The following EXOSC4 variants were observed in gnomAD, a reference collection of about 807,000 sequenced individuals.
EXOSC4 encodes the protein exosome component 4.
Under a neutral mutation model 20.0 loss-of-function variants are expected in EXOSC4, and 14 were observed. The ratio of observed to expected loss-of-function variants is 0.70; its 90% CI spans 0.46 to 1.09. EXOSC4 has a LOEUF of 1.09. EXOSC4 is among the 50% of genes least tolerant of loss of function. The pLI is 0.00. For synonymous variants in EXOSC4, 148 were observed against 146.4 expected (o/e 1.01, Z -0.08); for missense variants, 337 against 334.0 (o/e 1.01, Z -0.07).
upstream of EXOSC4, chr8:144,078,661 C>T (rs1393933174): frequency 2.2e-6 from 3 of 1,341,024 alleles, no homozygotes; most frequent in African/African-American, 1.5e-5. This position sits in a 1 kb window ranked among gnomAD's most constrained non-coding sequence, Gnocchi z 4.7. Flanking sequence ...CGGTCGGAGC[C>T]GCCGGGAGCT....
chr8:144,069,729 C>T, the EXOSC4 span, among the ~76,000 whole-genome samples: 1 of 152,228 alleles, frequency 6.6e-6, no homozygotes, highest in African/African-American at 2.4e-5. Context: ...TTGCTGAATG[C>T]GGAGCAGATT....
At chr8:144,071,568 T>C in the EXOSC4 span, among the ~76,000 whole-genome samples, 1 of 149,518 alleles carries the variant, frequency 6.7e-6, no homozygotes, top group Non-Finnish European at 1.5e-5. Flanking sequence ...AGTGCTGGGA[T>C]TACAGGCATG....
upstream of EXOSC4, among the ~76,000 whole-genome samples, chr8:144,073,818 T>C (rs1835812211): frequency 6.6e-6 from 1 of 151,378 alleles, no homozygotes; most frequent in Admixed American, 6.6e-5. Context: ...GCCATTGCAC[T>C]CTAGCCTGGG....
In EXOSC4 at chr8:144,080,047, G is replaced by C; in HGVS notation, c.276G>C (p.Gly92=). The change falls in exon 2 of 3, where the codon GGG becomes GGC. Residue 92 remains glycine, a synonymous_variant. Transcript: ENST00000316052. The surrounding 1 kb of genome is among the most constrained non-coding windows in gnomAD (Gnocchi z 4.9). ...STGERKRRPH[G]DRKSCEMGLQ... is the part of the protein sequence containing the mutation. ...GTGAGCGCAAGCGACGGCCACATGG[G>C]GACCGTAAGTCCTGTGAGATGGGCC... 6.2e-7 allele frequency: 1 copy of C among 1,614,088 alleles called. No individual in the cohort carries two copies.
upstream of EXOSC4, among the ~76,000 whole-genome samples, chr8:144,077,670 T>C (rs1835848666): frequency 6.6e-6 from 1 of 152,172 alleles, no homozygotes; most frequent in South Asian, 2.1e-4. Flanking sequence ...ACCCACAGAG[T>C]GTGGCAGGAG....
chr8:144,078,753 G>C lies in EXOSC4; in HGVS notation c.25G>C (p.Asp9His), dbSNP rs1587586268. MAGLELLS[D>H]QGYRVDGRRA... The stretch of plus-strand genomic sequence containing the variant: ...CATGGCGGGGCTGGAGCTCTTGTCG[G>C]ACCAGGGCTACCGGGTGGACGGGCG... Residue 9 changes from aspartate to histidine, a missense_variant, in exon 1 of 3, where the codon GAC becomes CAC. By Grantham distance (81) the Asp-to-His change is moderately conservative. Transcript: ENST00000316052. This position sits in a 1 kb window ranked among gnomAD's most constrained non-coding sequence, Gnocchi z 4.7. The C allele has an allele frequency of 6.7e-7, 1 of 1,503,564 alleles. No homozygotes were observed. 93.1% of individuals were successfully genotyped at this position (1,503,564 alleles called of 1,614,324 possible). A position where few individuals can be genotyped will look rare whatever the true frequency, so the allele number is the denominator to read the frequency against.
chr8:144,078,818 C>T lies in EXOSC4; in HGVS notation c.90C>T (p.Gly30=). Residue 30 remains glycine (G), a synonymous_variant, in exon 1 of 3, where the codon GGC becomes GGT. Transcript: ENST00000316052. The surrounding 1 kb of genome is among the most constrained non-coding windows in gnomAD (Gnocchi z 4.7). ...GELRKIQARM[G]VFAQADGSAY... is the part of the protein sequence containing the mutation. ...TGCGCAAGATCCAGGCGCGGATGGG[C>T]GTGTTCGCGCAGGCTGACGGCTCGG... 3 of 1,580,216 alleles carry T rather than the reference C, an allele frequency of 1.9e-6. No homozygotes were observed. Among genetic ancestry groups the T allele is most frequent in the Non-Finnish European group, 2.6e-6 (3 of 1,165,798 alleles).
At chr8:144,065,471 G>C in the EXOSC4 span, among the ~76,000 whole-genome samples, 1 of 152,034 alleles carries the variant, frequency 6.6e-6, no homozygotes, top group East Asian at 1.9e-4. Context: ...GCTCACACCT[G>C]TAATCCCAGC....
At chr8:144,066,290 A>G in the EXOSC4 span, among the ~76,000 whole-genome samples, 1 of 151,350 alleles carries the variant, frequency 6.6e-6, no homozygotes, top group Non-Finnish European at 1.5e-5. Flanking sequence ...AAATGCTGGG[A>G]TTACAGGCGT....
At position 144,079,455 on chromosome 8, in the gene EXOSC4, C is replaced by G. The variant is rs1835873338; in HGVS notation, c.172-488C>G. 6.1e-6 allele frequency: 2 copies of G among 325,616 alleles called. 1 individual carries two copies. Among genetic ancestry groups the G allele is most frequent in the South Asian group, 5.1e-5 (2 of 39,010 alleles). The allele number at this position is 325,616 out of a possible 1,614,324, so 20.2% of individuals were successfully genotyped here. ...CGCATGAGTGTGGGAGCTCTGCTTT[C>G]CAGGCGGAGGGAACCAGAAGGGCGA... On this transcript the variant is annotated intron_variant, in intron 1 of 2. Coordinates refer to ENST00000316052, the MANE Select transcript of EXOSC4 (RefSeq NM_019037.3).
chr8:144,065,330 A>C, the EXOSC4 span, among the ~76,000 whole-genome samples: 66 of 152,238 alleles, frequency 4.3e-4, no homozygotes, highest in African/African-American at 1.5e-3. Context: ...ACTCGAGTGG[A>C]GCCATCGCAG....
At chr8:144,077,260 CA>C (rs1212495067), upstream of EXOSC4, among the ~76,000 whole-genome samples, 1 of 151,982 alleles carries the variant, frequency 6.6e-6, no homozygotes, top group African/African-American at 2.4e-5. Flanking sequence ...CAAAACAAAA[CA>C]AAGAAACAAA....
Position 144,078,689 on chromosome 8 carries a change from C to T in EXOSC4, c.-40C>T. 1 of 1,362,730 alleles carries T rather than the reference C, an allele frequency of 7.3e-7. No homozygotes were observed. The allele number at this position is 1,362,730 out of a possible 1,614,324, so 84.4% of individuals were successfully genotyped here. On this transcript the variant is annotated 5_prime_UTR_variant, in exon 1 of 3. Coordinates refer to ENST00000316052, the MANE Select transcript of EXOSC4 (RefSeq NM_019037.3). The surrounding 1 kb of genome is among the most constrained non-coding windows in gnomAD (Gnocchi z 4.7). ...CGGGAGCTGTAGTTCTCCCGCGGCT[C>T]AGAGAAGTAGGCAGAGAGCGGACCT...
chr8:144,064,380 A>T, the EXOSC4 span, among the ~76,000 whole-genome samples: 8 of 152,240 alleles, frequency 5.3e-5, no homozygotes, highest in Middle Eastern at 3.2e-3. Flanking sequence ...CACGGTTGGC[A>T]CAGCTTCTGA....
chr8:144,073,427 G>A, the EXOSC4 span, among the ~76,000 whole-genome samples: 1 of 152,106 alleles, frequency 6.6e-6, no homozygotes, highest in Non-Finnish European at 1.5e-5. Context: ...CCACCTGGAG[G>A]AGCAGCGATT....
At chr8:144,075,171 T>TC (rs1187221150), upstream of EXOSC4, among the ~76,000 whole-genome samples, 1 of 151,812 alleles carries the variant, frequency 6.6e-6, no homozygotes, top group Non-Finnish European at 1.5e-5. Flanking sequence ...CAAGTGAGCC[T>TC]CCCACCTCCA....
At chr8:144,078,662 GC>G, upstream of EXOSC4, 1 of 1,340,750 alleles carries the variant, frequency 7.5e-7, no homozygotes, top group Non-Finnish European at 9.6e-7. The surrounding 1 kb of genome is among the most constrained non-coding windows in gnomAD (Gnocchi z 4.7). Context: ...GGTCGGAGCC[GC>G]CGGGAGCTGT....
the EXOSC4 span, among the ~76,000 whole-genome samples, chr8:144,066,550 TC>T: frequency 6.7e-6 from 1 of 148,180 alleles, no homozygotes; most frequent in South Asian, 2.2e-4. Flanking sequence ...CAAGCAATTC[TC>T]CTGCCTCAGC....
At chr8:144,078,563 G>A (rs994005522), upstream of EXOSC4, 1 of 670,126 alleles carries the variant, frequency 1.5e-6, no homozygotes, top group Non-Finnish European at 2.2e-6. The surrounding 1 kb of genome is among the most constrained non-coding windows in gnomAD (Gnocchi z 4.7). Context: ...GCCGGAAACC[G>A]CAGATCCACG....
Sources: gnomAD v4.1 joint callset for allele counts (sites outside exome capture counted in the v4.1 genomes callset) on GRCh38, gnomAD v4.1.1 for gene constraint, Gnocchi (gnomAD v3.1) non-coding constraint, MANE v1.5 for transcripts, NCBI Gene and HGNC (gene_info 2026-07-23, HGNC 2026-07-21) for gene names.